Variants in RTTN observed in about 807,000 individuals in gnomAD.
RTTN encodes rotatin.
RTTN carries 182 observed loss-of-function variants against 269.2 expected under a neutral mutation model. The observed-to-expected ratio is 0.68, with a 90% confidence interval of 0.60 to 0.76. The LOEUF is 0.76. Ranked by LOEUF, RTTN falls within the 30% of genes least tolerant of loss-of-function variation. The probability of loss-of-function intolerance (pLI) is 0.00; values close to 1 mark genes in which losing one functional copy is unlikely to be tolerated. For synonymous variants in RTTN, 1,006 were observed against 963.5 expected, an observed-to-expected ratio of 1.04 and a Z score of -0.82; for missense variants, 2,545 against 2,608.6, an observed-to-expected ratio of 0.98 and a Z score of 0.53.
chr18:70,045,994 A>G (rs1031723011), intron 40 of RTTN, among the ~76,000 whole-genome samples: 1 of 152,324 alleles, frequency 6.6e-6, no homozygotes, highest in African/African-American at 2.4e-5. Flanking sequence ...TATAATGAAT[A>G]ATATTACAAA....
chr18:70,073,570 G>A (rs147578173), intron 34 of RTTN, among the ~76,000 whole-genome samples: 1 of 152,232 alleles, frequency 6.6e-6, no homozygotes, highest in African/African-American at 2.4e-5. Flanking sequence ...AGGAAAGAGA[G>A]GTTGAAAATT....
chr18:70,105,274 T>C (rs538679275), intron 28 of RTTN, among the ~76,000 whole-genome samples: 1 of 152,350 alleles, frequency 6.6e-6, no homozygotes, highest in Non-Finnish European at 1.5e-5. Flanking sequence ...AGCGAGGCTC[T>C]ATAGGCGTGG....
chr18:70,167,117 T>C (rs2061008105), intron 12 of RTTN, 86 bp from the exon 13 acceptor site: 6 of 834,514 alleles, frequency 7.2e-6, no homozygotes, highest in Non-Finnish European at 1.2e-5. Context: ...TTCAAGAAAT[T>C]AGACCATTCA....
At position 70,003,944 on chromosome 18, in the gene RTTN, A is replaced by G; in HGVS notation, c.*207T>C. 5.1e-6 allele frequency: 2 copies of G among 391,006 alleles called. No individual in the cohort carries two copies. The highest frequency in any genetic ancestry group is 9.1e-6 in the Non-Finnish European group (2 of 220,490). The allele number at this position is 391,006 out of a possible 1,614,324, so 24.2% of individuals were successfully genotyped here. On this transcript the variant is annotated 3_prime_UTR_variant, in exon 49 of 49. Coordinates refer to ENST00000640769, the MANE Select transcript of RTTN (RefSeq NM_173630.4). ...TCAACAGAAAGGAAAAGGCACAGAA[A>G]GTTGTCAGCTGCTATTACTTCTGGA... is the stretch of plus-strand genomic sequence containing the variant.
chr18:70,123,029 T>G (rs2059778186), intron 25 of RTTN, among the ~76,000 whole-genome samples: 1 of 152,086 alleles, frequency 6.6e-6, no homozygotes, highest in Admixed American at 6.6e-5. Context: ...TCCCTTTGCC[T>G]GGCATTTAAA....
chr18:70,113,858 A>G (rs529685699), intron 27 of RTTN, among the ~76,000 whole-genome samples: 4 of 152,272 alleles, frequency 2.6e-5, no homozygotes, highest in African/African-American at 7.2e-5. Context: ...AGACATAGAA[A>G]GAAGACTAGT....
At chr18:70,150,904 T>G (rs977744477) in intron 14 of RTTN, among the ~76,000 whole-genome samples, 171 bp from the exon 15 acceptor site, 4 of 151,940 alleles carry the variant, frequency 2.6e-5, no homozygotes, top group African/African-American at 9.7e-5. Flanking sequence ...TCTTAGTTTG[T>G]AGGAGATACA....
chr18:70,103,520 G>GATTAA (rs1392774934), intron 28 of RTTN, among the ~76,000 whole-genome samples: 2 of 152,000 alleles, frequency 1.3e-5, no homozygotes, highest in Non-Finnish European at 2.9e-5. Flanking sequence ...ATTAAGGGCG[G>GATTAA]TGCAAGATGT....
chr18:70,071,140 A>G (rs1190062262), intron 34 of RTTN, among the ~76,000 whole-genome samples: 1 of 152,176 alleles, frequency 6.6e-6, no homozygotes, highest in East Asian at 1.9e-4. Flanking sequence ...AGGAACTTGA[A>G]CAAGCATGCA....
chr18:70,123,977 T>A lies in RTTN; in HGVS notation c.3384-2277A>T, dbSNP rs568079059. ...AGCACCACACCCATATAAGGTATCATGTCCAGATCTCAGGGAGAGTCCTAA... is the reference window on the plus strand; with the variant it reads ...AGCACCACACCCATATAAGGTATCAAGTCCAGATCTCAGGGAGAGTCCTAA... On this transcript the variant is annotated intron_variant, in intron 25 of 48. Coordinates refer to ENST00000640769, the MANE Select transcript of RTTN (RefSeq NM_173630.4). Among the ~76,000 whole-genome samples the A allele has an allele frequency of 1.1e-4, 16 of 152,050 alleles. No homozygotes were observed. In the South Asian group the frequency reaches 2.9e-3, roughly 28 times the overall value.
chr18:70,011,776 T>C (rs1399161446), intron 46 of RTTN, among the ~76,000 whole-genome samples: 2 of 152,086 alleles, frequency 1.3e-5, no homozygotes, highest in South Asian at 4.1e-4. Flanking sequence ...GGTACTAAAA[T>C]AGGAAAAGGT....
intron 42 of RTTN, among the ~76,000 whole-genome samples, chr18:70,029,491 G>C (rs766404475): frequency 6.6e-5 from 10 of 152,090 alleles, no homozygotes; most frequent in Non-Finnish European, 1.5e-4. Flanking sequence ...GAAGGCACAG[G>C]AGGAGATAAA....
intron 46 of RTTN, among the ~76,000 whole-genome samples, chr18:70,017,061 A>G (rs530718817): frequency 6.6e-6 from 1 of 152,142 alleles, no homozygotes; most frequent in Non-Finnish European, 1.5e-5. Context: ...TTGACATAGT[A>G]GCATTTGCTT....
intron 48 of RTTN, among the ~76,000 whole-genome samples, chr18:70,004,615 C>G (rs539689051): frequency 1.3e-5 from 2 of 150,814 alleles, no homozygotes; most frequent in African/African-American, 4.9e-5. Context: ...ACCTCCCCTG[C>G]TTAAAAAAAA....
At chr18:70,156,553 G>A (rs892879396) in intron 14 of RTTN, among the ~76,000 whole-genome samples, 6 of 152,114 alleles carry the variant, frequency 3.9e-5, no homozygotes, top group African/African-American at 1.4e-4. Flanking sequence ...TGAAGCACGT[G>A]ATTTTTGTGA....
At chr18:70,161,654 A>G (rs1349798995) in intron 14 of RTTN, among the ~76,000 whole-genome samples, 1 of 152,194 alleles carries the variant, frequency 6.6e-6, no homozygotes, top group Non-Finnish European at 1.5e-5. Flanking sequence ...CAACAAGTAA[A>G]AAACAAATAA....
At chr18:70,126,064 T>C (rs998823146) in intron 25 of RTTN, among the ~76,000 whole-genome samples, 1 of 152,086 alleles carries the variant, frequency 6.6e-6, no homozygotes. Context: ...ATATTAAACA[T>C]ATACACAGTC....
At chr18:70,137,230 C>T (rs974809987) in intron 21 of RTTN, among the ~76,000 whole-genome samples, 5 of 152,122 alleles carry the variant, frequency 3.3e-5, no homozygotes, top group African/African-American at 1.2e-4. Context: ...GATTCTCTCT[C>T]AGTAGCAAAG....
intron 44 of RTTN, among the ~76,000 whole-genome samples, chr18:70,024,209 C>T (rs1251653227): frequency 6.6e-6 from 1 of 152,152 alleles, no homozygotes; most frequent in African/African-American, 2.4e-5. Flanking sequence ...ATGACCTGTC[C>T]TCCTATCTCA....
Sources: allele counts gnomAD v4.1 joint callset (sites outside exome capture counted in the v4.1 genomes callset), GRCh38; gene constraint gnomAD v4.1.1; transcripts MANE v1.5; gene names NCBI Gene and HGNC (gene_info 2026-07-23, HGNC 2026-07-21).